Variants in RAB7A observed in about 807,000 individuals in gnomAD.
RAB7A encodes ras-related protein Rab-7a.
In RAB7A, 2 loss-of-function variants were observed where a neutral mutation model predicts 24.5. The observed-to-expected ratio is 0.08, with a 90% CI of 0.03 to 0.26. RAB7A has a LOEUF of 0.26. RAB7A is among the 10% of genes least tolerant of loss of function. RAB7A has a pLI of 1.00. For missense variants in RAB7A, 118 were observed against 255.7 expected (o/e 0.46, Z 3.67); for synonymous variants, 100 against 95.9 (o/e 1.04, Z -0.25).
At chr3:128,742,291 GC>G (rs964914876) in intron 1 of RAB7A, among the ~76,000 whole-genome samples, 1 of 152,070 alleles carries the variant, frequency 6.6e-6, no homozygotes, top group African/African-American at 2.4e-5. Context: ...GAGTGTTATA[GC>G]TCATAAAGGC....
intron 1 of RAB7A, among the ~76,000 whole-genome samples, chr3:128,741,936 C>G (rs1228044339): frequency 2.6e-5 from 4 of 152,158 alleles, no homozygotes; most frequent in Non-Finnish European, 4.4e-5. Context: ...ATCCTCCCAC[C>G]TCAGCCTTCT....
intron 1 of RAB7A, among the ~76,000 whole-genome samples, chr3:128,774,479 A>G (rs987917157): frequency 8.6e-5 from 13 of 151,546 alleles, no homozygotes; most frequent in African/African-American, 3.2e-4. Context: ...TTTTTCTCCC[A>G]GAAACAGAGT....
intron 1 of RAB7A, among the ~76,000 whole-genome samples, chr3:128,756,054 C>T (rs530341956): frequency 1.2e-3 from 179 of 152,280 alleles, no homozygotes; most frequent in African/African-American, 3.8e-3. Flanking sequence ...ACATTAACAA[C>T]GGGCCGGGCA....
chr3:128,761,724 A>G (rs933998824), intron 1 of RAB7A, among the ~76,000 whole-genome samples: 1 of 152,208 alleles, frequency 6.6e-6, no homozygotes. Context: ...CAACCTATAA[A>G]TCCTGTTTTG....
In RAB7A at chr3:128,774,078, T is replaced by TA. The variant is rs146037243; in HGVS notation, c.-8-21265dup. Among the ~76,000 whole-genome samples, 1,071 of 111,006 alleles carry TA rather than the reference T, an allele frequency of 9.6e-3. 10 individuals carry two copies. Among genetic ancestry groups the TA allele is most frequent in the African/African-American group, 0.032 (839 of 26,186 alleles). The allele number at this position is 111,006 out of a possible 152,430, so 72.8% of individuals were successfully genotyped here. On this transcript the variant is annotated intron_variant, in intron 1 of 5. Transcript: ENST00000265062. Reference sequence around the variant, plus strand: ...CGAGAAACACCCAAGAATGATCAATTAAAAAAAAAAAAAAAAAGAAAAAAA... The same window carrying TA: ...CGAGAAACACCCAAGAATGATCAATTAAAAAAAAAAAAAAAAAAGAAAAAAA...
chr3:128,733,149 C>T (rs538927323), intron 1 of RAB7A, among the ~76,000 whole-genome samples: 16 of 152,270 alleles, frequency 1.1e-4, no homozygotes, highest in South Asian at 8.3e-4. Context: ...AATAAGTGGA[C>T]GGCTTAGAGA....
chr3:128,784,065 A>G (rs1401901891), intron 1 of RAB7A, among the ~76,000 whole-genome samples: 1 of 152,186 alleles, frequency 6.6e-6, no homozygotes, highest in African/African-American at 2.4e-5. Flanking sequence ...CCAATTTAGC[A>G]CAGGCGTCTA....
chr3:128,747,378 G>A (rs1259855036), intron 1 of RAB7A, among the ~76,000 whole-genome samples: 2 of 151,582 alleles, frequency 1.3e-5, no homozygotes, highest in African/African-American at 4.9e-5. Flanking sequence ...CCTAAGGTCA[G>A]GAGTTCAAGA....
At chr3:128,771,062 C>T (rs1245987907) in intron 1 of RAB7A, among the ~76,000 whole-genome samples, 4 of 151,950 alleles carry the variant, frequency 2.6e-5, no homozygotes, top group Non-Finnish European at 4.4e-5. Flanking sequence ...CCCCACTTCC[C>T]GGGTTCAAGC....
At chr3:128,793,504 T>A (rs1933505713) in intron 1 of RAB7A, among the ~76,000 whole-genome samples, 1 of 152,216 alleles carries the variant, frequency 6.6e-6, no homozygotes, top group African/African-American at 2.4e-5. Context: ...CAGGCTGGTC[T>A]CGAACTCCTG....
intron 1 of RAB7A, among the ~76,000 whole-genome samples, chr3:128,756,353 CT>C (rs1447738301): frequency 2.0e-5 from 3 of 148,902 alleles, no homozygotes; most frequent in Non-Finnish European, 4.4e-5. Flanking sequence ...CAGAGCAAGA[CT>C]TTGTCTCAAA....
chr3:128,744,236 G>A (rs190572574), intron 1 of RAB7A, among the ~76,000 whole-genome samples: 117 of 152,268 alleles, frequency 7.7e-4, no homozygotes, highest in African/African-American at 2.3e-3. Flanking sequence ...GGGTGACAGA[G>A]TGAGACCCAG....
chr3:128,798,256 G>C (rs1264222101), intron 3 of RAB7A, 187 bp downstream of exon 3: 1 of 626,050 alleles, frequency 1.6e-6, no homozygotes, highest in African/African-American at 1.9e-5. Flanking sequence ...TATACTTCTA[G>C]TGTATCTCAG....
intron 1 of RAB7A, among the ~76,000 whole-genome samples, chr3:128,765,849 C>T (rs1284762648): frequency 2.0e-5 from 3 of 151,948 alleles, no homozygotes; most frequent in Non-Finnish European, 4.4e-5. Flanking sequence ...GCAACCTCCG[C>T]CTCCCAGGTT....
At chr3:128,768,176 T>C (rs530899476) in intron 1 of RAB7A, among the ~76,000 whole-genome samples, 1 of 152,360 alleles carries the variant, frequency 6.6e-6, no homozygotes, top group Admixed American at 6.5e-5. Flanking sequence ...ATATATACTT[T>C]AAGTATACTG....
intron 1 of RAB7A, among the ~76,000 whole-genome samples, chr3:128,760,425 A>G (rs1050603639): frequency 1.3e-5 from 2 of 152,198 alleles, no homozygotes; most frequent in African/African-American, 2.4e-5. Context: ...GGAGAGCCCA[A>G]ATACTCCAGC....
At chr3:128,784,008 A>G (rs1206656824) in intron 1 of RAB7A, among the ~76,000 whole-genome samples, 1 of 152,170 alleles carries the variant, frequency 6.6e-6, no homozygotes. Flanking sequence ...AGGTCCAGCC[A>G]TCTCTTCTCT....
chr3:128,782,860 TC>T (rs1335063437), intron 1 of RAB7A, among the ~76,000 whole-genome samples: 1 of 152,090 alleles, frequency 6.6e-6, no homozygotes, highest in Non-Finnish European at 1.5e-5. Context: ...TTCAGAGAAT[TC>T]TCCTTGGCCA....
chr3:128,744,398 C>T (rs2070587692), intron 1 of RAB7A, among the ~76,000 whole-genome samples: 2 of 152,190 alleles, frequency 1.3e-5, no homozygotes, highest in Non-Finnish European at 2.9e-5. Flanking sequence ...CTTAGAGGGA[C>T]TGATCCATTT....
Sources: allele counts gnomAD v4.1 joint callset (sites outside exome capture counted in the v4.1 genomes callset), GRCh38; gene constraint gnomAD v4.1.1; transcripts MANE v1.5; gene names NCBI Gene and HGNC (gene_info 2026-07-23, HGNC 2026-07-21).